Variants in TENM3 observed in about 807,000 individuals in gnomAD.
TENM3 encodes teneurin transmembrane protein 3, also known as teneurin-3.
Under a neutral mutation model 255.1 loss-of-function variants are expected in TENM3, and 63 were observed. The ratio of observed to expected loss-of-function variants is 0.25; its 90% CI spans 0.20 to 0.30. The LOEUF is 0.30. Ranked by LOEUF, TENM3 falls within the 10% of genes least tolerant of loss-of-function variation. The pLI is 1.00. For missense variants in TENM3, 2,929 were observed against 3,461.1 expected (o/e 0.85, Z 3.86); for synonymous variants, 1,306 against 1,322.3 (o/e 0.99, Z 0.27).
the TENM3 span, among the ~76,000 whole-genome samples, chr4:181,753,325 G>A: frequency 3.3e-5 from 5 of 152,200 alleles, no homozygotes; most frequent in Admixed American, 3.3e-4. Flanking sequence ...CCCCATGAAA[G>A]CATGAGCAGA....
the TENM3 span, among the ~76,000 whole-genome samples, chr4:181,807,829 G>A: frequency 1.3e-5 from 2 of 152,184 alleles, no homozygotes; most frequent in Non-Finnish European, 2.9e-5. Context: ...AATCAAGGTT[G>A]TAGTGAGTCC....
At chr4:181,876,054 G>A in the TENM3 span, among the ~76,000 whole-genome samples, 1 of 152,208 alleles carries the variant, frequency 6.6e-6, no homozygotes, top group African/African-American at 2.4e-5. Flanking sequence ...TGGCCATGGA[G>A]TCCATGCCTT....
chr4:182,023,781 T>C, the TENM3 span, among the ~76,000 whole-genome samples: 1 of 152,352 alleles, frequency 6.6e-6, no homozygotes, highest in Admixed American at 6.5e-5. Context: ...ATTTTGCTCA[T>C]ATAATTTGTA....
chr4:181,504,073 T>A, the TENM3 span, among the ~76,000 whole-genome samples: 1 of 152,322 alleles, frequency 6.6e-6, no homozygotes, highest in East Asian at 1.9e-4. Flanking sequence ...GTTACCTGGT[T>A]TACACTGGAG....
At chr4:182,442,226 A>G (rs1261028329) in intron 3 of TENM3, among the ~76,000 whole-genome samples, 1 of 152,250 alleles carries the variant, frequency 6.6e-6, no homozygotes, top group Admixed American at 6.5e-5. Flanking sequence ...CACATTCTAT[A>G]TGACTATATC....
At chr4:182,504,532 G>T (rs535277747) in intron 3 of TENM3, among the ~76,000 whole-genome samples, 2 of 152,332 alleles carry the variant, frequency 1.3e-5, no homozygotes, top group African/African-American at 4.8e-5. Context: ...GCCACCCTCT[G>T]TGAATAGGTG....
chr4:181,698,332 T>C, the TENM3 span, among the ~76,000 whole-genome samples: 18 of 152,162 alleles, frequency 1.2e-4, no homozygotes, highest in African/African-American at 4.1e-4. Flanking sequence ...TATTAACATC[T>C]GATTCCAAAG....
At chr4:181,574,054 A>G in the TENM3 span, among the ~76,000 whole-genome samples, 3 of 152,224 alleles carry the variant, frequency 2.0e-5, no homozygotes, top group African/African-American at 7.2e-5. Context: ...GTCCATTAAT[A>G]AAATTGAAAC....
intron 4 of TENM3, among the ~76,000 whole-genome samples, chr4:182,621,907 C>CT (rs1479764658): frequency 1.4e-5 from 2 of 144,080 alleles, no homozygotes; most frequent in Non-Finnish European, 3.0e-5. Flanking sequence ...GCTGGGAGGT[C>CT]AAGGCTCCAG....
At chr4:181,810,563 C>T in the TENM3 span, among the ~76,000 whole-genome samples, 1 of 151,810 alleles carries the variant, frequency 6.6e-6, no homozygotes, top group East Asian at 1.9e-4. Flanking sequence ...CATACAAGAC[C>T]CTGCACTTAG....
chr4:182,097,697 A>G, the TENM3 span, among the ~76,000 whole-genome samples: 2 of 152,198 alleles, frequency 1.3e-5, no homozygotes, highest in Non-Finnish European at 2.9e-5. Context: ...AGGCCCAAGG[A>G]GTATCTAATT....
At chr4:182,713,016 T>G (rs774236627) in intron 12 of TENM3, among the ~76,000 whole-genome samples, 9 of 152,214 alleles carry the variant, frequency 5.9e-5, no homozygotes, top group Admixed American at 2.0e-4. Context: ...ACAGATCACA[T>G]TGGCTGCATG....
the TENM3 span, among the ~76,000 whole-genome samples, chr4:181,797,865 G>A: frequency 1.3e-5 from 2 of 152,146 alleles, no homozygotes; most frequent in Admixed American, 6.5e-5. Flanking sequence ...CCTATGAGGC[G>A]ATAACCCTAC....
At chr4:181,844,549 TCC>T in the TENM3 span, among the ~76,000 whole-genome samples, 1 of 151,760 alleles carries the variant, frequency 6.6e-6, no homozygotes, top group Non-Finnish European at 1.5e-5. Flanking sequence ...GCGCCTGTAG[TCC>T]CAGCTACTCG....
the TENM3 span, chr4:181,829,846 G>T: frequency 6.6e-6 from 1 of 152,294 alleles, no homozygotes; most frequent in African/African-American, 2.4e-5. Flanking sequence ...AGGAAGCTCA[G>T]TCCCCATGGT....
intron 1 of TENM3, among the ~76,000 whole-genome samples, chr4:182,273,601 T>G (rs1054646336): frequency 6.6e-6 from 1 of 152,222 alleles, no homozygotes; most frequent in South Asian, 2.1e-4. Context: ...CCGCATTTCA[T>G]TGATACATGC....
At chr4:181,887,328 A>G in the TENM3 span, among the ~76,000 whole-genome samples, 1 of 152,220 alleles carries the variant, frequency 6.6e-6, no homozygotes, top group South Asian at 2.1e-4. Context: ...AAATGTATTT[A>G]CAAGGCTGTT....
rs532771479 is a variant in TENM3 at position 182,658,719 on chromosome 4, G to A, written c.1111+4826G>A. 1.1e-4 allele frequency among the ~76,000 whole-genome samples: 16 copies of A among 152,308 alleles called. No individual in the cohort carries two copies. The South Asian group carries it at 2.1e-3, about 20-fold the overall frequency. On this transcript the variant is annotated intron_variant, in intron 6 of 27. Transcript: ENST00000511685. ...AGTGAATTGGCCAGGTACTTCTTGCGTTCTTACTTAGGACACTGCGATTGC... is the reference window on the plus strand; with the variant it reads ...AGTGAATTGGCCAGGTACTTCTTGCATTCTTACTTAGGACACTGCGATTGC...
Position 182,635,931 on chromosome 4 carries a change from C to T in TENM3, c.988+7042C>T, listed in dbSNP as rs527289000. 3.9e-5 allele frequency among the ~76,000 whole-genome samples: 6 copies of T among 152,262 alleles called. No individual in the cohort carries two copies. In the South Asian group the frequency reaches 1.2e-3, roughly 32 times the overall value. On this transcript the variant is annotated intron_variant, in intron 5 of 27. Coordinates refer to ENST00000511685, the MANE Select transcript of TENM3 (RefSeq NM_001080477.4). Reference sequence around the variant, plus strand: ...GGGTCAGAAGGGAAAATACGCCAGCCCTTTATGCTTCATGAAAAATCAGCC... The same window carrying T: ...GGGTCAGAAGGGAAAATACGCCAGCTCTTTATGCTTCATGAAAAATCAGCC...
Sources: allele counts gnomAD v4.1 joint callset (sites outside exome capture counted in the v4.1 genomes callset), GRCh38; gene constraint gnomAD v4.1.1; transcripts MANE v1.5; gene names NCBI Gene and HGNC (gene_info 2026-07-23, HGNC 2026-07-21).